Variants in CLVS1 observed in about 807,000 individuals in gnomAD.
The protein encoded by CLVS1 is clavesin 1, also known as clavesin-1.
A neutral mutation model predicts 33.1 loss-of-function variants in CLVS1; 10 were observed. That is an observed-to-expected ratio of 0.30 (90% CI 0.19 to 0.51). CLVS1 has a LOEUF of 0.51. CLVS1 is among the 20% of genes least tolerant of loss of function. The probability of loss-of-function intolerance (pLI) is 0.97; values close to 1 mark genes in which losing one functional copy is unlikely to be tolerated. For synonymous variants in CLVS1, 163 were observed against 166.1 expected (o/e 0.98, Z 0.14); for missense variants, 343 against 433.4 (o/e 0.79, Z 1.85).
the CLVS1 span, among the ~76,000 whole-genome samples, chr8:60,975,949 C>T: frequency 1.6e-3 from 247 of 152,282 alleles, 2 homozygotes; most frequent in Middle Eastern, 6.8e-3. Context: ...GTGAAGAGTA[C>T]ATACAATAAG....
intron 3 of CLVS1, among the ~76,000 whole-genome samples, chr8:61,418,759 A>G (rs1168565750): frequency 2.0e-5 from 3 of 152,232 alleles, no homozygotes; most frequent in Admixed American, 1.3e-4. Flanking sequence ...AGGTCACTCA[A>G]CTTACTCTCC....
At chr8:60,982,783 A>T in the CLVS1 span, among the ~76,000 whole-genome samples, 1 of 152,174 alleles carries the variant, frequency 6.6e-6, no homozygotes, top group Non-Finnish European at 1.5e-5. Context: ...ACTCCTTGAA[A>T]ATGTGATGCT....
intron 5 of CLVS1, among the ~76,000 whole-genome samples, chr8:61,498,925 A>G (rs1563581989): frequency 6.6e-6 from 1 of 152,204 alleles, no homozygotes; most frequent in Non-Finnish European, 1.5e-5. Flanking sequence ...CAAAAGGTTT[A>G]AAAGGTACAC....
chr8:61,486,218 A>G (rs1168042531), intron 5 of CLVS1, among the ~76,000 whole-genome samples: 3 of 152,324 alleles, frequency 2.0e-5, no homozygotes, highest in Admixed American at 6.5e-5. Context: ...GAGGTACTCA[A>G]TGGGACAGGT....
chr8:61,090,854 G>A (rs1465456016), intron 1 of CLVS1: 1 of 518,518 alleles, frequency 1.9e-6, no homozygotes, highest in South Asian at 1.4e-5. Context: ...TGGGACTTTT[G>A]AGCTGATGAG....
chr8:61,036,932 G>C, the CLVS1 span, among the ~76,000 whole-genome samples: 1 of 152,154 alleles, frequency 6.6e-6, no homozygotes, highest in Non-Finnish European at 1.5e-5. Flanking sequence ...CCCATCGTGG[G>C]TGAGATGTGG....
rs144376960 is a variant in CLVS1, at chr8:61,273,723, C to T, written c.-151-25954C>T. Reference sequence around the variant, plus strand: ...CCGTGTTTTAAGCCCATCAGAAAAGCGCAGTATTCGGGTGGGAGTGACCCG... The same window carrying T: ...CCGTGTTTTAAGCCCATCAGAAAAGTGCAGTATTCGGGTGGGAGTGACCCG... On this transcript the variant is annotated intron_variant, in intron 2 of 2. Coordinates refer to the CLVS1 transcript ENST00000522621. 1.2e-4 allele frequency among the ~76,000 whole-genome samples: 19 copies of T among 152,352 alleles called. No homozygotes were observed. The East Asian group carries it at 2.9e-3, about 23-fold the overall frequency.
At chr8:61,002,854 G>T in the CLVS1 span, among the ~76,000 whole-genome samples, 14 of 152,188 alleles carry the variant, frequency 9.2e-5, no homozygotes, top group Non-Finnish European at 1.9e-4. Context: ...ATGGTGGAGG[G>T]TCTGGTAGAA....
At chr8:61,313,232 C>T (rs565228403) in intron 2 of CLVS1, among the ~76,000 whole-genome samples, 1 of 152,042 alleles carries the variant, frequency 6.6e-6, no homozygotes, top group Non-Finnish European at 1.5e-5. Context: ...TAAGAGTGAG[C>T]AGGTGAAGGG....
chr8:61,251,527 T>C (rs1808948571), intron 2 of CLVS1, among the ~76,000 whole-genome samples: 1 of 152,202 alleles, frequency 6.6e-6, no homozygotes, highest in Non-Finnish European at 1.5e-5. Flanking sequence ...AATTGGGCTA[T>C]AAATCTGTCT....
At chr8:61,169,099 T>A (rs190150998) in intron 2 of CLVS1, among the ~76,000 whole-genome samples, 1,535 of 152,268 alleles carry the variant, frequency 0.01, 13 homozygotes, top group Non-Finnish European at 0.015. Context: ...GTGGTATCCT[T>A]TGCCACTTAG....
chr8:61,276,473 C>A (rs1358111010), intron 2 of CLVS1, among the ~76,000 whole-genome samples: 1 of 152,220 alleles, frequency 6.6e-6, no homozygotes, highest in Non-Finnish European at 1.5e-5. Context: ...GTACTTCTGG[C>A]AACATTCTCT....
chr8:61,490,450 C>A (rs560728063), intron 5 of CLVS1, among the ~76,000 whole-genome samples: 12 of 151,704 alleles, frequency 7.9e-5, no homozygotes, highest in African/African-American at 2.9e-4. Flanking sequence ...CTGTGCATCA[C>A]CAGGTCAAGA....
chr8:61,478,907 C>T (rs970449141), intron 5 of CLVS1, among the ~76,000 whole-genome samples: 1 of 152,150 alleles, frequency 6.6e-6, no homozygotes, highest in African/African-American at 2.4e-5. Context: ...TGAATATTGG[C>T]CCCCACTCTC....
intron 1 of CLVS1, among the ~76,000 whole-genome samples, chr8:61,064,707 A>AT (rs569321920): frequency 4.9e-4 from 70 of 143,812 alleles, no homozygotes; most frequent in South Asian, 2.7e-3. Context: ...CGTCCAGCTA[A>AT]TTTTTTTTTT....
At chr8:61,227,282 A>G (rs993862183) in intron 2 of CLVS1, among the ~76,000 whole-genome samples, 2 of 146,022 alleles carry the variant, frequency 1.4e-5, no homozygotes, top group Non-Finnish European at 3.0e-5. Flanking sequence ...TTCAAGGATT[A>G]GGCGAGAAAT....
chr8:61,230,629 A>G (rs914847123), intron 2 of CLVS1, among the ~76,000 whole-genome samples: 10 of 152,118 alleles, frequency 6.6e-5, no homozygotes, highest in African/African-American at 2.2e-4. Flanking sequence ...GTACTTTATA[A>G]TTTGCTGTTT....
intron 1 of CLVS1, among the ~76,000 whole-genome samples, chr8:61,298,551 T>G (rs1201972121): frequency 2.0e-5 from 3 of 152,162 alleles, no homozygotes; most frequent in Non-Finnish European, 4.4e-5. Context: ...CAATCATCAT[T>G]TAAGTAATTT....
chr8:61,462,705 C>T (rs949537587), intron 5 of CLVS1, among the ~76,000 whole-genome samples: 1 of 152,154 alleles, frequency 6.6e-6, no homozygotes, highest in Non-Finnish European at 1.5e-5. Flanking sequence ...CGTCAGTAGA[C>T]TTAAAATACT....
Sources: gnomAD v4.1 joint callset for allele counts (sites outside exome capture counted in the v4.1 genomes callset) on GRCh38, gnomAD v4.1.1 for gene constraint, MANE v1.5 for transcripts, NCBI Gene and HGNC (gene_info 2026-07-23, HGNC 2026-07-21) for gene names.